POLD3: variants seen among roughly 807,000 people sequenced by gnomAD.
POLD3 encodes DNA polymerase delta 3, accessory subunit.
In POLD3, 19 loss-of-function variants were observed where a neutral mutation model predicts 58.2. The observed-to-expected ratio is 0.33, with a 90% CI of 0.23 to 0.48. POLD3 has a LOEUF of 0.48. Ranked by LOEUF, POLD3 falls within the 20% of genes least tolerant of loss-of-function variation. POLD3 has a pLI of 0.99. For missense variants in POLD3, 504 were observed against 545.5 expected, an observed-to-expected ratio of 0.92 and a Z score of 0.76; for synonymous variants, 172 against 193.5, an observed-to-expected ratio of 0.89 and a Z score of 0.92.
chr11:74,600,724 T>C lies in POLD3; in HGVS notation c.117-3968T>C, dbSNP rs1285037105. ...GGAATTCTTTCCTTTTTTTTTTTTT[T>C]TTTTTTTTTTGAGATAGGATTTTGC... On this transcript the variant is annotated intron_variant, in intron 2 of 11. Coordinates refer to ENST00000263681, the MANE Select transcript of POLD3 (RefSeq NM_006591.3). Among the ~76,000 whole-genome samples, 3 of 147,536 alleles carry C rather than the reference T, an allele frequency of 2.0e-5. No homozygotes were observed. The East Asian group carries it at 6.0e-4, about 29-fold the overall frequency.
chr11:74,647,276 A>G (rs1484321933), downstream of POLD3, among the ~76,000 whole-genome samples: 1 of 152,192 alleles, frequency 6.6e-6, no homozygotes, highest in Non-Finnish European at 1.5e-5. Context: ...CTGGAATGGG[A>G]TTTACGGAAG....
chr11:74,623,004 A>G (rs892769431), intron 7 of POLD3, among the ~76,000 whole-genome samples: 6 of 152,250 alleles, frequency 3.9e-5, no homozygotes, highest in African/African-American at 1.4e-4. Context: ...ATTCAGCTAT[A>G]AAAAGTAATG....
chr11:74,620,060 TGAG>T lies in POLD3; in HGVS notation c.705_707del (p.Met235_Ser236delinsIle). On this transcript the variant is annotated inframe_deletion, in exon 7 of 12. Coordinates refer to ENST00000263681, the MANE Select transcript of POLD3 (RefSeq NM_006591.3). ...AAGGCACCAGGGAAAGGGAATATGA[TGAG>T]CAACTTTTTTGGAAAAGCTGCTATG... is the stretch of plus-strand genomic sequence containing the variant. 6.2e-7 allele frequency: 1 copy of T among 1,613,776 alleles called. No homozygotes were observed. The highest frequency in any genetic ancestry group is 8.5e-7 in the Non-Finnish European group (1 of 1,179,648).
At chr11:74,645,617 A>G (rs1051432701), downstream of POLD3, among the ~76,000 whole-genome samples, 3 of 152,150 alleles carry the variant, frequency 2.0e-5, no homozygotes, top group African/African-American at 7.2e-5. Context: ...CTACCCACCT[A>G]CCTTAAAGCG....
At position 74,651,574 on chromosome 11, in the gene POLD3, G is replaced by A. The variant is rs367883501; in HGVS notation, c.369+15299G>A. Among the ~76,000 whole-genome samples, 118 of 152,320 alleles carry A rather than the reference G, an allele frequency of 7.7e-4. 1 individual carries two copies. In the Middle Eastern group the frequency reaches 0.024, roughly 31 times the overall value. Reference sequence around the variant, plus strand: ...ATAAAAGGATCTGTACAGGGCACTAGGAGAAAAACCACACAGGAGGGCCAT... The same window carrying A: ...ATAAAAGGATCTGTACAGGGCACTAAGAGAAAAACCACACAGGAGGGCCAT... On this transcript the variant is annotated intron_variant, in intron 4 of 4. Transcript: ENST00000524752.
At chr11:74,593,113 A>G in intron 1 of POLD3, 1 of 781,524 alleles carries the variant, frequency 1.3e-6, no homozygotes, top group Non-Finnish European at 1.6e-6. Context: ...AAGTTGCGTA[A>G]CCTCCAGATA....
In POLD3 at chr11:74,612,866, G is replaced by T; in HGVS notation, c.260-12G>T. The stretch of plus-strand genomic sequence containing the variant: ...TGTGTATTAACTGACTGCTTTTCCT[G>T]TTGACTTGTAGCAGTGAAGTCCAAG... On this transcript the variant is annotated splice_polypyrimidine_tract_variant and intron_variant, in intron 4 of 11. Coordinates refer to ENST00000263681, the MANE Select transcript of POLD3 (RefSeq NM_006591.3). The T allele has an allele frequency of 6.2e-7, 1 of 1,601,972 alleles. No homozygotes were observed.
intron 2 of POLD3, among the ~76,000 whole-genome samples, chr11:74,600,549 C>G (rs374558998): frequency 2.0e-5 from 3 of 151,980 alleles, no homozygotes; most frequent in African/African-American, 7.2e-5. Flanking sequence ...GCAGGAAAAT[C>G]ACTTGAACCT....
intron 2 of POLD3, among the ~76,000 whole-genome samples, chr11:74,599,385 T>TG (rs2031399926): frequency 6.6e-6 from 1 of 151,332 alleles, no homozygotes; most frequent in Admixed American, 6.6e-5. Context: ...TTTTTTTTTT[T>TG]GACGGAGTCT....
chr11:74,642,105 A>G lies in POLD3; in HGVS notation c.*1339A>G. On this transcript the variant is annotated 3_prime_UTR_variant, in exon 12 of 12. Coordinates refer to ENST00000263681, the MANE Select transcript of POLD3 (RefSeq NM_006591.3). ...TCTGACTGGCTTCTTTTGCCTCAAG[A>G]TGGTGTATGTCGTAAGTGATGCAAT... 2 of 985,368 alleles carry G rather than the reference A, an allele frequency of 2.0e-6. No individual in the cohort carries two copies. Among genetic ancestry groups the G allele is most frequent in the South Asian group, 9.4e-5 (2 of 21,280 alleles). 61.0% of individuals were successfully genotyped at this position (985,368 alleles called of 1,614,324 possible). A position where few individuals can be genotyped will look rare whatever the true frequency, so the allele number is the denominator to read the frequency against.
intron 8 of POLD3, 30 bp downstream of exon 8, chr11:74,625,603 G>A: frequency 1.9e-6 from 3 of 1,584,036 alleles, no homozygotes; most frequent in Non-Finnish European, 2.6e-6. Flanking sequence ...TATTGGGGAA[G>A]AGTCTTTACT....
rs2032946729 is a variant in POLD3 at position 74,642,751 on chromosome 11, A to T, written c.*1985A>T. ...AGTGCTTCAAACTGAGTATCTGATG[A>T]GTCTCTTATTTGATGGATGGTAACA... On this transcript the variant is annotated 3_prime_UTR_variant, in exon 12 of 12. Transcript: ENST00000263681. 1 of 984,082 alleles carries T rather than the reference A, an allele frequency of 1.0e-6. No individual in the cohort carries two copies. Among genetic ancestry groups the T allele is most frequent in the Non-Finnish European group, 1.2e-6 (1 of 828,880 alleles). 61.0% of individuals were successfully genotyped at this position (984,082 alleles called of 1,614,324 possible).
At chr11:74,656,416 G>A (rs961122540) in intron 4 of POLD3, among the ~76,000 whole-genome samples, 8 of 152,050 alleles carry the variant, frequency 5.3e-5, no homozygotes, top group African/African-American at 1.2e-4. Flanking sequence ...GTGAAAGCCC[G>A]TCTCTACTAA....
In POLD3 at chr11:74,642,990, A is replaced by G. The variant is rs1440627816; in HGVS notation, c.*2224A>G. ...TATTAGTTTGGCTTCATCACTTGCT[A>G]GCTGTATGACTGTGGGCAAGTTTCA... On this transcript the variant is annotated 3_prime_UTR_variant, in exon 12 of 12. Transcript: ENST00000263681. The G allele has an allele frequency of 1.1e-6, 1 of 949,818 alleles. No homozygotes were observed. 58.8% of individuals were successfully genotyped at this position (949,818 alleles called of 1,614,324 possible).
chr11:74,653,007 A>G (rs931875819), intron 4 of POLD3: 1 of 152,658 alleles, frequency 6.6e-6, no homozygotes, highest in African/African-American at 2.4e-5. Flanking sequence ...TTGCCATTTT[A>G]TTGTGTAGCT....
At chr11:74,611,376 T>C in intron 3 of POLD3, 123 bp from the exon 4 acceptor site, 1 of 628,614 alleles carries the variant, frequency 1.6e-6, no homozygotes. Context: ...TTATAACATA[T>C]GTTTTAAGGA....
chr11:74,623,035 T>A (rs903831592), intron 7 of POLD3, among the ~76,000 whole-genome samples: 1 of 152,254 alleles, frequency 6.6e-6, no homozygotes, highest in Non-Finnish European at 1.5e-5. Context: ...GGATATGTGA[T>A]ATGACATGGA....
chr11:74,641,317 C>T lies in POLD3; in HGVS notation c.*551C>T, dbSNP rs550220191. On this transcript the variant is annotated 3_prime_UTR_variant, in exon 12 of 12. Coordinates refer to ENST00000263681, the MANE Select transcript of POLD3 (RefSeq NM_006591.3). ...ACTAAAGGCTGAAGTGAAAATCTCC[C>T]TGTAATCCTCTTCCTCCATTATGCA... is the stretch of plus-strand genomic sequence containing the variant. The T allele has an allele frequency of 2.0e-6, 2 of 985,412 alleles. No individual in the cohort carries two copies. Among genetic ancestry groups the T allele is most frequent in the African/African-American group, 3.5e-5 (2 of 57,354 alleles). 61.0% of individuals were successfully genotyped at this position (985,412 alleles called of 1,614,324 possible). A position where few individuals can be genotyped will look rare whatever the true frequency, so the allele number is the denominator to read the frequency against.
rs2032934487 is a variant in POLD3, at chr11:74,642,312, CCTT to C, written c.*1550_*1552del. On this transcript the variant is annotated 3_prime_UTR_variant, in exon 12 of 12. Transcript: ENST00000263681. Reference sequence around the variant, plus strand: ...AGTAAAGGTTGACATATTCCAAAACCCTTCTTTTTAAAAGGAAAAAGGATGGAG... The same window carrying C: ...AGTAAAGGTTGACATATTCCAAAACCCTTTTTAAAAGGAAAAAGGATGGAG... 1.0e-6 allele frequency: 1 copy of C among 985,280 alleles called. No individual in the cohort carries two copies. The highest frequency in any genetic ancestry group is 1.2e-6 in the Non-Finnish European group (1 of 829,856). 61.0% of individuals were successfully genotyped at this position (985,280 alleles called of 1,614,324 possible). A position where few individuals can be genotyped will look rare whatever the true frequency, so the allele number is the denominator to read the frequency against.
Sources: gnomAD v4.1 joint callset for allele counts (sites outside exome capture counted in the v4.1 genomes callset) on GRCh38, gnomAD v4.1.1 for gene constraint, MANE v1.5 for transcripts, NCBI Gene and HGNC (gene_info 2026-07-23, HGNC 2026-07-21) for gene names.